The following INTS9 variants were observed in gnomAD, a reference collection of about 807,000 sequenced individuals.
INTS9 encodes the protein integrator complex subunit 9.
INTS9 carries 55 observed loss-of-function variants against 79.7 expected under a neutral mutation model. That is an observed-to-expected ratio of 0.69 (90% confidence interval 0.56 to 0.86). INTS9 has a LOEUF of 0.86. Ranked by LOEUF, INTS9 falls within the 40% of genes least tolerant of loss-of-function variation. INTS9 has a pLI of 0.00. For missense variants in INTS9, 721 were observed against 831.5 expected (o/e 0.87, Z 1.64); for synonymous variants, 319 against 325.2 (o/e 0.98, Z 0.20).
At chr8:28,871,541 A>C (rs1007236821) in intron 1 of INTS9, among the ~76,000 whole-genome samples, 2 of 151,994 alleles carry the variant, frequency 1.3e-5, no homozygotes, top group African/African-American at 4.8e-5. Flanking sequence ...AGTAGCTGGG[A>C]CTACAGATGC....
At chr8:28,816,449 C>T (rs539036806) in intron 6 of INTS9, among the ~76,000 whole-genome samples, 17 of 151,530 alleles carry the variant, frequency 1.1e-4, no homozygotes, top group Admixed American at 9.2e-4. Context: ...TGATGATTTC[C>T]AATTTCGTCC....
intron 1 of INTS9, among the ~76,000 whole-genome samples, chr8:28,871,011 C>G (rs183154181): frequency 6.6e-6 from 1 of 152,334 alleles, no homozygotes; most frequent in Non-Finnish European, 1.5e-5. Context: ...TAATCACTTA[C>G]TTCATGCTGG....
chr8:28,819,569 C>T (rs920044278), intron 6 of INTS9, among the ~76,000 whole-genome samples: 2 of 152,132 alleles, frequency 1.3e-5, no homozygotes, highest in African/African-American at 4.8e-5. Context: ...AGCTTTACTT[C>T]CAAGTATGTG....
intron 1 of INTS9, among the ~76,000 whole-genome samples, chr8:28,869,052 C>T (rs1563309906): frequency 6.6e-6 from 1 of 151,960 alleles, no homozygotes; most frequent in Non-Finnish European, 1.5e-5. Context: ...AGAGATCACA[C>T]CATTGCACTC....
At chr8:28,820,983 T>C (rs1805796411) in intron 6 of INTS9, among the ~76,000 whole-genome samples, 1 of 152,160 alleles carries the variant, frequency 6.6e-6, no homozygotes, top group Non-Finnish European at 1.5e-5. Context: ...ATGACTAATT[T>C]AGTAGCAATG....
intron 1 of INTS9, among the ~76,000 whole-genome samples, chr8:28,866,784 G>A (rs531785660): frequency 2.7e-5 from 4 of 148,584 alleles, no homozygotes; most frequent in East Asian, 2.1e-4. Context: ...AGACCATCCC[G>A]GCAAACACGG....
intron 1 of INTS9, among the ~76,000 whole-genome samples, chr8:28,889,085 T>C (rs1410505865): frequency 6.6e-6 from 1 of 152,116 alleles, no homozygotes; most frequent in Non-Finnish European, 1.5e-5. Context: ...AAACAGTGTT[T>C]CACACCTGCC....
chr8:28,878,451 T>C (rs956044253), intron 1 of INTS9, among the ~76,000 whole-genome samples: 6 of 151,472 alleles, frequency 4.0e-5, no homozygotes, highest in Non-Finnish European at 1.5e-5. Flanking sequence ...TAGCTGGGAC[T>C]ACAGGTGTGT....
intron 1 of INTS9, among the ~76,000 whole-genome samples, chr8:28,872,091 T>C (rs1809125483): frequency 6.6e-6 from 1 of 151,838 alleles, no homozygotes; most frequent in Non-Finnish European, 1.5e-5. Flanking sequence ...AAAGATGAGG[T>C]TGTGGGGAAG....
Position 28,840,920 on chromosome 8 carries a change from A to G in INTS9, c.262-3144T>C, listed in dbSNP as rs902055853. 4.6e-5 allele frequency among the ~76,000 whole-genome samples: 7 copies of G among 151,798 alleles called. 1 individual carries two copies. The highest frequency in any genetic ancestry group is 4.6e-4 in the Admixed American group (7 of 15,242). ...ACTAACCTGCACATTGTGCACATGT[A>G]CCCTAAAACTTAAAGTATAATTAAA... On this transcript the variant is annotated intron_variant, in intron 4 of 16. Coordinates refer to ENST00000521022, the MANE Select transcript of INTS9 (RefSeq NM_018250.4).
intron 6 of INTS9, among the ~76,000 whole-genome samples, chr8:28,834,714 TTGCCCAGGCTGGAG>T (rs1400652821): frequency 2.0e-5 from 3 of 151,778 alleles, no homozygotes; most frequent in African/African-American, 7.3e-5. Flanking sequence ...TTCACTCTTG[TTGCCCAGGCTGGAG>T]TGCAATGGTG....
chr8:28,790,147 G>C (rs1389892201), intron 10 of INTS9, among the ~76,000 whole-genome samples: 1 of 152,194 alleles, frequency 6.6e-6, no homozygotes, highest in African/African-American at 2.4e-5. Flanking sequence ...CAGAGTGATA[G>C]GGAACAGCAG....
At chr8:28,849,029 G>C (rs1309698432) in intron 3 of INTS9, among the ~76,000 whole-genome samples, 1 of 152,166 alleles carries the variant, frequency 6.6e-6, no homozygotes, top group Non-Finnish European at 1.5e-5. Context: ...TATGCATTTG[G>C]CTTGTACTTG....
intron 10 of INTS9, among the ~76,000 whole-genome samples, chr8:28,789,781 G>C (rs1201415167): frequency 1.3e-5 from 2 of 152,184 alleles, no homozygotes; most frequent in African/African-American, 4.8e-5. Context: ...AGGAGGCTGA[G>C]GTGGGAGGAT....
intron 1 of INTS9, among the ~76,000 whole-genome samples, chr8:28,866,289 A>G (rs1041198906): frequency 1.3e-5 from 2 of 152,144 alleles, no homozygotes; most frequent in Non-Finnish European, 2.9e-5. Flanking sequence ...AACAATTTGC[A>G]TGGTGAGCTC....
intron 1 of INTS9, chr8:28,862,315 G>A: frequency 1.2e-6 from 1 of 820,886 alleles, no homozygotes; most frequent in African/African-American, 1.8e-5. Flanking sequence ...ATTTGTAAAA[G>A]CTGTAATTTT....
At chr8:28,851,852 TCTAGATTAA>T (rs1210909060) in intron 2 of INTS9, among the ~76,000 whole-genome samples, 1 of 152,200 alleles carries the variant, frequency 6.6e-6, no homozygotes, top group Non-Finnish European at 1.5e-5. Context: ...ATACCCTTTA[TCTAGATTAA>T]CTGTTTACAT....
At chr8:28,833,612 T>C (rs1168195870) in intron 6 of INTS9, among the ~76,000 whole-genome samples, 2 of 146,634 alleles carry the variant, frequency 1.4e-5, no homozygotes, top group East Asian at 4.0e-4. Context: ...AGAGTTAGAC[T>C]CTGTCTCAAA....
chr8:28,848,925 T>C (rs575693867), intron 3 of INTS9, among the ~76,000 whole-genome samples: 1 of 152,312 alleles, frequency 6.6e-6, no homozygotes, highest in Non-Finnish European at 1.5e-5. Context: ...CAATGATTTA[T>C]AGCCAGCAGG....
Sources: gnomAD v4.1 joint callset for allele counts (sites outside exome capture counted in the v4.1 genomes callset) on GRCh38, gnomAD v4.1.1 for gene constraint, MANE v1.5 for transcripts, NCBI Gene and HGNC (gene_info 2026-07-23, HGNC 2026-07-21) for gene names.